The following PCYOX1L variants were observed in gnomAD, a reference collection of about 807,000 sequenced individuals.
PCYOX1L encodes the protein prenylcysteine oxidase 1 like, also known as prenylcysteine oxidase 1-like.
Under a neutral mutation model 44.1 loss-of-function variants are expected in PCYOX1L, and 40 were observed. The ratio of observed to expected loss-of-function variants is 0.91; its 90% CI spans 0.70 to 1.18. The LOEUF (loss-of-function observed/expected upper bound fraction) is 1.18. Among genes scored for constraint, PCYOX1L ranks in the 50% most tolerant of loss-of-function variants. The pLI is 0.00. For missense variants in PCYOX1L, 605 were observed against 653.3 expected (o/e 0.93, Z 0.81); for synonymous variants, 266 against 282.8 (o/e 0.94, Z 0.60).
Position 149,358,200 on chromosome 5 carries a change from C to A in PCYOX1L, c.88+44C>A, listed in dbSNP as rs528544643. 2.8e-4 allele frequency: 391 copies of A among 1,401,566 alleles called. 1 individual carries two copies. In the African/African-American group the frequency reaches 5.2e-3, roughly 19 times the overall value. 86.8% of individuals were successfully genotyped at this position (1,401,566 alleles called of 1,614,324 possible). ...GGGGTTCCCAGCTGGGGAGGGCCGG[C>A]GGGTAAAGGGTTCTCAGTTCTCAGC... On this transcript the variant is annotated intron_variant, in intron 1 of 5. Transcript: ENST00000274569.
At chr5:149,367,336 G>C (rs1561703734) in intron 4 of PCYOX1L, 24 bp from the exon 5 acceptor site, 2 of 1,598,790 alleles carry the variant, frequency 1.3e-6, no homozygotes, top group East Asian at 4.5e-5. Context: ...CAACCTATCA[G>C]CACCCACTTC....
intron 4 of PCYOX1L, among the ~76,000 whole-genome samples, chr5:149,366,581 C>T (rs1187684498): frequency 6.6e-6 from 1 of 152,178 alleles, no homozygotes; most frequent in East Asian, 1.9e-4. Flanking sequence ...TAGCACAGAC[C>T]ACAGGAGTGG....
rs1384926494 is a variant in PCYOX1L at position 149,363,776 on chromosome 5, T to G, written c.296-260T>G. 4.3e-6 allele frequency: 2 copies of G among 462,532 alleles called. 1 individual carries two copies. The allele number at this position is 462,532 out of a possible 1,614,324, so 28.7% of individuals were successfully genotyped here. On this transcript the variant is annotated intron_variant, in intron 2 of 5. Transcript: ENST00000274569. Reference sequence around the variant, plus strand: ...AGTGGCTGTCACCCCCTGGACATTCTGGGATAAAATCTGAATTTCCCTCAC... The same window carrying G: ...AGTGGCTGTCACCCCCTGGACATTCGGGGATAAAATCTGAATTTCCCTCAC...
At chr5:149,362,541 G>A (rs1758036245) in intron 1 of PCYOX1L, 96 bp from the exon 2 acceptor site, 1 of 1,307,206 alleles carries the variant, frequency 7.6e-7, no homozygotes, top group South Asian at 1.2e-5. Context: ...TAAGCACCTG[G>A]GAACCACCAG....
intron 1 of PCYOX1L, among the ~76,000 whole-genome samples, chr5:149,359,014 G>A (rs962650270): frequency 4.6e-5 from 7 of 152,060 alleles, no homozygotes; most frequent in African/African-American, 1.7e-4. Flanking sequence ...CACTAAATAC[G>A]TCATCGTGCA....
At position 149,368,002 on chromosome 5, in the gene PCYOX1L, C is replaced by T. The variant is rs73795989; in HGVS notation, c.833C>T (p.Ala278Val). ...SVTLHSTEGK[A>V]LYQVAYENEV... ...GCTCTTTTCTTTCCAGAGGGGAAAG[C>T]CCTGTACCAGGTGGCGTATGAGAAT... Residue 278 changes from alanine (A) to valine (V), a missense_variant, in exon 6 of 6, where the codon GCC becomes GTC. Physicochemically the swap from Ala to Val is moderately conservative, Grantham distance 64. Coordinates refer to ENST00000274569, the MANE Select transcript of PCYOX1L (RefSeq NM_024028.4). 1,545 of 1,537,572 alleles carry T rather than the reference C, an allele frequency of 1.0e-3. 17 individuals are homozygous for T. The African/African-American group carries it at 0.019, about 19-fold the overall frequency.
intron 2 of PCYOX1L, chr5:149,363,057 C>G (rs928267331): frequency 1.9e-5 from 13 of 693,138 alleles, no homozygotes; most frequent in Non-Finnish European, 3.1e-5. Flanking sequence ...TCAGGTTTGA[C>G]TCCTAGGCCA....
intron 5 of PCYOX1L, 65 bp from the exon 6 acceptor site, chr5:149,367,928 C>A: frequency 6.7e-7 from 1 of 1,486,264 alleles, no homozygotes; most frequent in Non-Finnish European, 9.0e-7. Flanking sequence ...AATGCTGGAC[C>A]CCAGTAGGGA....
At chr5:149,359,134 T>C (rs974976312) in intron 1 of PCYOX1L, among the ~76,000 whole-genome samples, 2 of 152,114 alleles carry the variant, frequency 1.3e-5, no homozygotes, top group African/African-American at 4.8e-5. Context: ...CCCTCACACG[T>C]GATATTCCCA....
Position 149,366,158 on chromosome 5 carries a change from G to A in PCYOX1L, c.682+5G>A. 1 of 1,609,606 alleles carries A rather than the reference G, an allele frequency of 6.2e-7. No homozygotes were observed. The highest frequency in any genetic ancestry group is 8.5e-7 in the Non-Finnish European group (1 of 1,179,898). ...CAGCGATGCCCGCCTTTGCAGGTAA[G>A]CGTCCAACCCTTGGCCTGCCCACCT... On this transcript the variant is annotated splice_donor_5th_base_variant and intron_variant, in intron 4 of 5. Transcript: ENST00000274569.
chr5:149,363,284 C>G (rs1758073372), intron 2 of PCYOX1L: 1 of 354,372 alleles, frequency 2.8e-6, no homozygotes, highest in Non-Finnish European at 5.6e-6. Flanking sequence ...AGGTGGGATT[C>G]AAACCCAGCA....
At chr5:149,365,852 TG>T in intron 3 of PCYOX1L, 89 bp from the exon 4 acceptor site, 1 of 1,216,096 alleles carries the variant, frequency 8.2e-7, no homozygotes, top group Non-Finnish European at 1.2e-6. Flanking sequence ...GATGGGTTCC[TG>T]GTGGGCCTCC....
chr5:149,363,760 C>T, intron 2 of PCYOX1L: 1 of 422,286 alleles, frequency 2.4e-6, no homozygotes, highest in Non-Finnish European at 4.3e-6. Flanking sequence ...CAGTGGCTGT[C>T]ACCCCCTGGA....
At position 149,366,110 on chromosome 5, in the gene PCYOX1L, G is replaced by A. The variant is rs1758193092; in HGVS notation, c.639G>A (p.Leu213=). The part of the protein sequence containing the change: ...RFIDDVVSAV[L]RASYGQSAAM... Reference sequence around the variant, plus strand: ...TTGATGATGTCGTTTCTGCTGTCCTGCGGGCCAGCTATGGCCAGTCAGCAG... The same window carrying A: ...TTGATGATGTCGTTTCTGCTGTCCTACGGGCCAGCTATGGCCAGTCAGCAG... The change falls in exon 4 of 6, where the codon CTG becomes CTA. Residue 213 remains leucine (L), a synonymous_variant. Transcript: ENST00000274569. The A allele has an allele frequency of 1.9e-6, 3 of 1,613,700 alleles. No individual in the cohort carries two copies. The highest frequency in any genetic ancestry group is 2.7e-5 in the African/African-American group (2 of 74,922).
At chr5:149,367,722 T>C (rs1344800474) in intron 5 of PCYOX1L, among the ~76,000 whole-genome samples, 1 of 152,236 alleles carries the variant, frequency 6.6e-6, no homozygotes, top group Non-Finnish European at 1.5e-5. Flanking sequence ...AGCCTTTTTC[T>C]GTTGACCGAT....
chr5:149,364,104 G>A lies in PCYOX1L; in HGVS notation c.364G>A (p.Glu122Lys), dbSNP rs760744020. 5.0e-6 allele frequency: 8 copies of A among 1,614,180 alleles called. No homozygotes were observed. Among genetic ancestry groups the A allele is most frequent in the South Asian group, 4.4e-5 (4 of 91,080 alleles). Residue 122 changes from glutamate to lysine, a missense_variant, in exon 3 of 6, where the codon GAG (glutamate) becomes AAG (lysine). Coordinates refer to ENST00000274569, the MANE Select transcript of PCYOX1L (RefSeq NM_024028.4). ...IFGGEHFMLE[E>K]TDWYLLNLFR... The stretch of plus-strand genomic sequence containing the variant: ...CGGCGGGGAGCACTTCATGCTGGAG[G>A]AGACTGACTGGTACCTGCTGAACCT...
chr5:149,367,029 C>T (rs1758233465), intron 4 of PCYOX1L, among the ~76,000 whole-genome samples: 1 of 152,172 alleles, frequency 6.6e-6, no homozygotes, highest in African/African-American at 2.4e-5. Flanking sequence ...CCCTTTAGCC[C>T]TCACCTCCCC....
Position 149,368,459 on chromosome 5 carries a change from C to T in PCYOX1L, c.1290C>T (p.Ser430=). The stretch of plus-strand genomic sequence containing the variant: ...GGCAGGCCCATCCCCTCTATGGCTC[C>T]CGCCCCACGCTCCCGAGGTTTGCAC... ...AEWQAHPLYG[S]RPTLPRFALH... The change falls in exon 6 of 6, where the codon TCC becomes TCT. Residue 430 remains serine, a synonymous_variant. Transcript: ENST00000274569. 3 of 1,613,802 alleles carry T rather than the reference C, an allele frequency of 1.9e-6. No individual in the cohort carries two copies. Among genetic ancestry groups the T allele is most frequent in the Non-Finnish European group, 2.5e-6 (3 of 1,179,770 alleles).
At chr5:149,366,297 C>T in intron 4 of PCYOX1L, 144 bp downstream of exon 4, 1 of 820,014 alleles carries the variant, frequency 1.2e-6, no homozygotes, top group Non-Finnish European at 1.9e-6. Flanking sequence ...CTGCCTGATT[C>T]TGGGACTGGC....
Sources: gnomAD v4.1 joint callset for allele counts (sites outside exome capture counted in the v4.1 genomes callset) on GRCh38, gnomAD v4.1.1 for gene constraint, MANE v1.5 for transcripts, NCBI Gene and HGNC (gene_info 2026-07-23, HGNC 2026-07-21) for gene names.